The following NDUFA12 variants were observed in gnomAD, a reference collection of about 807,000 sequenced individuals.
The protein encoded by NDUFA12 is NADH:ubiquinone oxidoreductase subunit A12.
A neutral mutation model predicts 20.3 loss-of-function variants in NDUFA12; 17 were observed. The observed-to-expected ratio is 0.84, with a 90% CI of 0.57 to 1.26. NDUFA12 has a LOEUF of 1.26. Ranked by LOEUF, NDUFA12 falls within the 50% of genes most tolerant of loss-of-function variation. The pLI is 0.00. For missense variants in NDUFA12, 191 were observed against 183.7 expected (o/e 1.04, Z -0.23); for synonymous variants, 72 against 63.6 (o/e 1.13, Z -0.63).
chr12:94,986,013 A>G (rs530934964), intron 3 of NDUFA12, among the ~76,000 whole-genome samples: 1 of 152,098 alleles, frequency 6.6e-6, no homozygotes, highest in Admixed American at 6.6e-5. Context: ...TGAACCCGGG[A>G]GGCAGAGGTT....
intron 3 of NDUFA12, among the ~76,000 whole-genome samples, chr12:94,988,179 C>CT (rs1281029569): frequency 2.0e-5 from 3 of 152,132 alleles, no homozygotes; most frequent in African/African-American, 7.2e-5. Context: ...AATTTGTATG[C>CT]TTTTCTCCTG....
chr12:94,982,113 T>C (rs1478738167), intron 3 of NDUFA12, among the ~76,000 whole-genome samples: 1 of 152,122 alleles, frequency 6.6e-6, no homozygotes, highest in Non-Finnish European at 1.5e-5. Flanking sequence ...CTCATAAGAC[T>C]ATCATAGGCC....
At chr12:95,001,694 A>C (rs550473117) in intron 2 of NDUFA12, among the ~76,000 whole-genome samples, 208 of 152,284 alleles carry the variant, frequency 1.4e-3, no homozygotes, top group African/African-American at 4.9e-3. Flanking sequence ...GTTGGTTTGC[A>C]AGAATATTTG....
chr12:94,998,962 TC>T (rs1256945976), intron 2 of NDUFA12, among the ~76,000 whole-genome samples: 2 of 152,142 alleles, frequency 1.3e-5, no homozygotes, highest in African/African-American at 4.8e-5. Context: ...TCATCATTCT[TC>T]ACAGAACTAG....
intron 3 of NDUFA12, among the ~76,000 whole-genome samples, chr12:94,977,817 T>TA (rs545208628): frequency 1.1e-4 from 17 of 151,772 alleles, no homozygotes; most frequent in Non-Finnish European, 1.8e-4. Context: ...TTAAATAATA[T>TA]AAAAAAAATG....
chr12:94,975,325 G>A (rs1874032392), intron 3 of NDUFA12, among the ~76,000 whole-genome samples: 1 of 152,056 alleles, frequency 6.6e-6, no homozygotes, highest in African/African-American at 2.4e-5. Flanking sequence ...AAAACATCAA[G>A]AGATGTCAAC....
intron 3 of NDUFA12, among the ~76,000 whole-genome samples, chr12:94,988,413 T>C (rs569036322): frequency 6.6e-6 from 1 of 152,356 alleles, no homozygotes; most frequent in Non-Finnish European, 1.5e-5. Context: ...TTAGTAATGA[T>C]TCTGAAAGTT....
intron 2 of NDUFA12, among the ~76,000 whole-genome samples, chr12:95,000,199 A>G (rs11107858): frequency 0.32 from 48,959 of 152,124 alleles, 8,094 homozygotes; most frequent in East Asian, 0.42. Context: ...GCTGGAGGCC[A>G]TTATTCTAAG....
Position 95,003,640 on chromosome 12 carries a change from ATCTGCTGCAG to A in NDUFA12, c.31_40del (p.Leu11SerfsTer25). On this transcript the variant is annotated frameshift_variant, in exon 1 of 4. Transcript: ENST00000327772. LOFTEE classifies it high-confidence loss of function. ...GCCTCGGAGACCGCCGTGGCCGGTG[ATCTGCTGCAG>A]CCCGCGTTTCAGGACCTGCACTAAC... 1 of 1,614,120 alleles carries A rather than the reference ATCTGCTGCAG, an allele frequency of 6.2e-7. No individual in the cohort carries two copies. The highest frequency in any genetic ancestry group is 1.6e-4 in the Middle Eastern group (1 of 6,062).
intron 3 of NDUFA12, among the ~76,000 whole-genome samples, chr12:94,974,664 T>TA (rs1874009038): frequency 6.6e-6 from 1 of 152,094 alleles, no homozygotes; most frequent in African/African-American, 2.4e-5. Flanking sequence ...TATTCAGCCA[T>TA]AAAAAAGAAC....
intron 2 of NDUFA12, among the ~76,000 whole-genome samples, chr12:94,995,497 T>C (rs889287746): frequency 4.6e-5 from 7 of 152,184 alleles, no homozygotes; most frequent in Non-Finnish European, 8.8e-5. Context: ...GTTAAATGCC[T>C]ATTCTCAGAC....
intron 3 of NDUFA12, among the ~76,000 whole-genome samples, chr12:94,989,932 T>C (rs1201180308): frequency 1.3e-5 from 2 of 152,148 alleles, no homozygotes; most frequent in Admixed American, 6.6e-5. Flanking sequence ...ACAGCTCACA[T>C]GCCTTCTATA....
chr12:94,989,545 C>T (rs1375974903), intron 3 of NDUFA12, among the ~76,000 whole-genome samples: 1 of 152,156 alleles, frequency 6.6e-6, no homozygotes, highest in Non-Finnish European at 1.5e-5. Context: ...TTGTTCAACA[C>T]CATTTCTCCC....
intron 3 of NDUFA12, among the ~76,000 whole-genome samples, chr12:94,975,323 A>G (rs1275027971): frequency 6.6e-6 from 1 of 152,190 alleles, no homozygotes; most frequent in Non-Finnish European, 1.5e-5. Flanking sequence ...AAAAAACATC[A>G]AGAGATGTCA....
chr12:94,973,261 C>T (rs1381802235), intron 3 of NDUFA12, among the ~76,000 whole-genome samples: 1 of 152,152 alleles, frequency 6.6e-6, no homozygotes, highest in Non-Finnish European at 1.5e-5. Context: ...GTATCATGAT[C>T]AGCTTATACA....
At chr12:94,994,614 T>A (rs1261817868) in intron 2 of NDUFA12, among the ~76,000 whole-genome samples, 1 of 152,200 alleles carries the variant, frequency 6.6e-6, no homozygotes. Flanking sequence ...AAGAAGGTGT[T>A]CCTCTTGAGA....
Position 95,003,686 on chromosome 12 carries a change from C to T in NDUFA12, c.-6G>A. 6.2e-7 allele frequency: 1 copy of T among 1,614,056 alleles called. No individual in the cohort carries two copies. Among genetic ancestry groups the T allele is most frequent in the Non-Finnish European group, 8.5e-7 (1 of 1,180,034 alleles). On this transcript the variant is annotated 5_prime_UTR_variant, in exon 1 of 4. Transcript: ENST00000327772. ...AGGACCTGCACTAACTCCATCTTGC[C>T]TCGCTGGCCCCGCCTCCCGGGTGCG...
intron 2 of NDUFA12, chr12:94,996,850 G>T (rs1048474739): frequency 1.1e-4 from 23 of 206,976 alleles, no homozygotes; most frequent in Non-Finnish European, 1.8e-4. Flanking sequence ...AGAAAGGAAA[G>T]AATGTAATAT....
intron 3 of NDUFA12, among the ~76,000 whole-genome samples, chr12:94,988,313 G>A (rs1184431500): frequency 5.9e-5 from 9 of 152,166 alleles, no homozygotes; most frequent in Non-Finnish European, 1.2e-4. Context: ...TTGTGGTTAT[G>A]TAGGACAATG....
Sources: allele counts gnomAD v4.1 joint callset (sites outside exome capture counted in the v4.1 genomes callset), GRCh38; gene constraint gnomAD v4.1.1; transcripts MANE v1.5; gene names NCBI Gene and HGNC (gene_info 2026-07-23, HGNC 2026-07-21).